Variants in CCDC85C observed in about 807,000 individuals in gnomAD.
CCDC85C encodes the protein coiled-coil domain containing 85C, also known as coiled-coil domain-containing protein 85C.
CCDC85C carries 18 observed loss-of-function variants against 38.3 expected under a neutral mutation model. The ratio of observed to expected loss-of-function variants is 0.47; its 90% CI spans 0.33 to 0.70. CCDC85C has a LOEUF of 0.70. CCDC85C is among the 30% of genes least tolerant of loss of function. CCDC85C has a pLI of 0.03. For synonymous variants in CCDC85C, 264 were observed against 293.8 expected, an observed-to-expected ratio of 0.90 and a Z score of 1.04; for missense variants, 566 against 621.2, an observed-to-expected ratio of 0.91 and a Z score of 0.94.
At position 99,604,043 on chromosome 14, in the gene CCDC85C, C is replaced by T; in HGVS notation, c.-84G>A. 1.0e-6 allele frequency: 1 copy of T among 984,012 alleles called. No homozygotes were observed. The highest frequency in any genetic ancestry group is 1.2e-6 in the Non-Finnish European group (1 of 831,346). The allele number at this position is 984,012 out of a possible 1,614,324, so 61.0% of individuals were successfully genotyped here. ...CGGGGCTCCGCTGGGCCGGTCCGCG[C>T]GCGGGCGGGGGGCGGCCGGGGGCGC... On this transcript the variant is annotated 5_prime_UTR_variant, in exon 1 of 6. Transcript: ENST00000380243.
intron 1 of CCDC85C, among the ~76,000 whole-genome samples, chr14:99,537,745 T>C (rs1258341109): frequency 6.6e-6 from 1 of 152,146 alleles, no homozygotes; most frequent in Non-Finnish European, 1.5e-5. Context: ...TCACCAGCCC[T>C]GATCCCTCCC....
intron 2 of CCDC85C, among the ~76,000 whole-genome samples, chr14:99,526,387 T>C (rs1381030567): frequency 1.3e-5 from 2 of 152,230 alleles, no homozygotes; most frequent in Non-Finnish European, 2.9e-5. Flanking sequence ...GTCCCCGTGG[T>C]CACTGTGCAG....
intron 1 of CCDC85C, among the ~76,000 whole-genome samples, chr14:99,563,698 C>T (rs1898161845): frequency 6.6e-6 from 1 of 152,232 alleles, no homozygotes; most frequent in Non-Finnish European, 1.5e-5. Flanking sequence ...AGCCGGCAGA[C>T]ATAAATCACC....
rs759607767 is a variant in CCDC85C at position 99,507,121 on chromosome 14, C to T, written c.*8125G>A. 2.0e-5 allele frequency: 32 copies of T among 1,611,456 alleles called. No homozygotes were observed. The highest frequency in any genetic ancestry group is 3.3e-4 in the Middle Eastern group (2 of 6,082). On this transcript the variant is annotated 3_prime_UTR_variant, in exon 6 of 6. Coordinates refer to ENST00000380243, the MANE Select transcript of CCDC85C (RefSeq NM_001144995.2). ...CCCAAAATTGAGACCACTCATCCAC[C>T]GTTGCCTCCAGCCCACCCACCTCCA...
Position 99,560,471 on chromosome 14 carries a change from C to T in CCDC85C, c.794-24383G>A, listed in dbSNP as rs2180382. 5.2e-3 allele frequency among the ~76,000 whole-genome samples: 785 copies of T among 152,330 alleles called. 20 individuals carry two copies. The highest frequency in any genetic ancestry group is 0.038 in the Admixed American group (585 of 15,300). On this transcript the variant is annotated intron_variant, in intron 1 of 5. Transcript: ENST00000380243. ...GGGGAGGCAGGAGAGCCATGAGTAC[C>T]ACACACAGAGACTCCAGGGCACCTG...
intron 2 of CCDC85C, among the ~76,000 whole-genome samples, chr14:99,528,249 C>T (rs1189864024): frequency 6.6e-6 from 1 of 152,176 alleles, no homozygotes; most frequent in Admixed American, 6.5e-5. Flanking sequence ...GCCGTAGGGG[C>T]GGGGCAGCTA....
intron 1 of CCDC85C, among the ~76,000 whole-genome samples, chr14:99,542,747 T>C (rs1182208176): frequency 2.6e-5 from 4 of 152,234 alleles, no homozygotes; most frequent in Admixed American, 1.3e-4. Flanking sequence ...GGCCGCTGCT[T>C]CATCCCGAGG....
At chr14:99,555,685 G>C (rs1331865188) in intron 1 of CCDC85C, among the ~76,000 whole-genome samples, 2 of 152,248 alleles carry the variant, frequency 1.3e-5, no homozygotes, top group African/African-American at 4.8e-5. Flanking sequence ...GACGGGAGAA[G>C]TTAGAAAATC....
Position 99,545,541 on chromosome 14 carries a change from A to C in CCDC85C, c.794-9453T>G, listed in dbSNP as rs180927475. Among the ~76,000 whole-genome samples the C allele has an allele frequency of 6.6e-6, 1 of 152,300 alleles. No homozygotes were observed. Among genetic ancestry groups the C allele is most frequent in the African/African-American group, 2.4e-5 (1 of 41,566 alleles). ...CCCTGTGCCTTCAAGGGCTGCACGCATCTGGAAATTGACCTGTGTGTGTGA... is the reference window on the plus strand; with the variant it reads ...CCCTGTGCCTTCAAGGGCTGCACGCCTCTGGAAATTGACCTGTGTGTGTGA... On this transcript the variant is annotated intron_variant, in intron 1 of 5. Transcript: ENST00000380243. The surrounding 1 kb of genome is among the most constrained non-coding windows in gnomAD (Gnocchi z 4.7).
In CCDC85C at chr14:99,510,524, C is replaced by T. The variant is rs1409787654; in HGVS notation, c.*4722G>A. The T allele has an allele frequency of 3.5e-6, 2 of 574,978 alleles. No individual in the cohort carries two copies. The highest frequency in any genetic ancestry group is 1.8e-5 in the South Asian group (1 of 56,678). 35.6% of individuals were successfully genotyped at this position (574,978 alleles called of 1,614,324 possible). ...TGCCTCCTCCCCCAGCCTCCTTCCC[C>T]CCACCTGCCATCCCACCCCCTACTC... On this transcript the variant is annotated 3_prime_UTR_variant, in exon 6 of 6. Coordinates refer to ENST00000380243, the MANE Select transcript of CCDC85C (RefSeq NM_001144995.2).
intron 1 of CCDC85C, among the ~76,000 whole-genome samples, chr14:99,599,627 C>T (rs984696470): frequency 5.9e-5 from 9 of 152,108 alleles, no homozygotes; most frequent in Admixed American, 3.3e-4. Context: ...CAGTGGCTCA[C>T]GTCTGTAATC....
At position 99,502,776 on chromosome 14, in the gene CCDC85C, A is replaced by G. The variant is rs1896866450; in HGVS notation, c.*12470T>C. On this transcript the variant is annotated 3_prime_UTR_variant, in exon 6 of 6. Coordinates refer to ENST00000380243, the MANE Select transcript of CCDC85C (RefSeq NM_001144995.2). Reference sequence around the variant, plus strand: ...CAAGGAAAACAACAGATGCCTCATCACACCCCCCATCAGCTGCAACAGCCC... The same window carrying G: ...CAAGGAAAACAACAGATGCCTCATCGCACCCCCCATCAGCTGCAACAGCCC... 1.2e-6 allele frequency: 2 copies of G among 1,613,720 alleles called. No homozygotes were observed. Among genetic ancestry groups the G allele is most frequent in the Non-Finnish European group, 1.7e-6 (2 of 1,179,782 alleles).
chr14:99,561,102 A>G (rs767183594), intron 1 of CCDC85C, among the ~76,000 whole-genome samples: 1 of 152,196 alleles, frequency 6.6e-6, no homozygotes, highest in Non-Finnish European at 1.5e-5. Context: ...TGAGTGCTGA[A>G]GCCCCACCCA....
chr14:99,603,965 G>T lies in CCDC85C; in HGVS notation c.-6C>A, dbSNP rs2055243304. The stretch of plus-strand genomic sequence containing the variant: ...GTCGCCGCGGGCTTAGCCATGGCGG[G>T]GCCGTCACCGCGGCATCGCCCTCGC... On this transcript the variant is annotated 5_prime_UTR_variant, in exon 1 of 6. Coordinates refer to ENST00000380243, the MANE Select transcript of CCDC85C (RefSeq NM_001144995.2). This position sits in a 1 kb window ranked among gnomAD's most constrained non-coding sequence, Gnocchi z 7.5. 6.8e-6 allele frequency: 9 copies of T among 1,330,492 alleles called. No homozygotes were observed. The South Asian group carries it at 1.3e-4, about 20-fold the overall frequency. The allele number at this position is 1,330,492 out of a possible 1,614,324, so 82.4% of individuals were successfully genotyped here. A position where few individuals can be genotyped will look rare whatever the true frequency, so the allele number is the denominator to read the frequency against.
Position 99,501,491 on chromosome 14 carries a change from C to A in CCDC85C, c.*13755G>T, listed in dbSNP as rs1896824019. The A allele has an allele frequency of 1.0e-6, 1 of 996,302 alleles. No homozygotes were observed. Among genetic ancestry groups the A allele is most frequent in the African/African-American group, 1.6e-5 (1 of 62,410 alleles). 61.7% of individuals were successfully genotyped at this position (996,302 alleles called of 1,614,324 possible). ...TTTATGGACCATTTCATCTAAACCC[C>A]TCATTTTGTGTCAGAAGAAACTGAC... is the stretch of plus-strand genomic sequence containing the variant. On this transcript the variant is annotated 3_prime_UTR_variant, in exon 6 of 6. Transcript: ENST00000380243.
At chr14:99,565,293 T>C (rs1379352887) in intron 1 of CCDC85C, among the ~76,000 whole-genome samples, 1 of 152,182 alleles carries the variant, frequency 6.6e-6, no homozygotes, top group East Asian at 1.9e-4. Context: ...GGGGCTCAGC[T>C]CTGAGCAGGC....
rs908894780 is a variant in CCDC85C, at chr14:99,504,201, AAGTT to A, written c.*11041_*11044del. 4.6e-6 allele frequency: 1 copy of A among 218,372 alleles called. No homozygotes were observed. The highest frequency in any genetic ancestry group is 5.7e-5 in the Admixed American group (1 of 17,568). 13.5% of individuals were successfully genotyped at this position (218,372 alleles called of 1,614,324 possible). A position where few individuals can be genotyped will look rare whatever the true frequency, so the allele number is the denominator to read the frequency against. ...AAAATTGGAACAATTACAAAACAGA[AAGTT>A]AGAAATGTTTTGTCACAGGGTCAGT... On this transcript the variant is annotated 3_prime_UTR_variant, in exon 6 of 6. Transcript: ENST00000380243.
rs189193359 is a variant in CCDC85C, at chr14:99,503,081, C to A, written c.*12165G>T. ...ATTTCTAAGCGAGCACAGGGAACAC[C>A]GGAAGCAGGGGGTGTTCGCCGAAAC... On this transcript the variant is annotated 3_prime_UTR_variant, in exon 6 of 6. Coordinates refer to ENST00000380243, the MANE Select transcript of CCDC85C (RefSeq NM_001144995.2). 2 of 1,364,510 alleles carry A rather than the reference C, an allele frequency of 1.5e-6. No individual in the cohort carries two copies. The highest frequency in any genetic ancestry group is 1.4e-5 in the African/African-American group (1 of 70,148). 84.5% of individuals were successfully genotyped at this position (1,364,510 alleles called of 1,614,324 possible). A position where few individuals can be genotyped will look rare whatever the true frequency, so the allele number is the denominator to read the frequency against.
At chr14:99,567,389 C>T (rs544150204) in intron 1 of CCDC85C, among the ~76,000 whole-genome samples, 2 of 152,184 alleles carry the variant, frequency 1.3e-5, no homozygotes, top group African/African-American at 4.8e-5. Flanking sequence ...GGGGGCGTGA[C>T]AACCAGGGGA....
Sources: allele counts gnomAD v4.1 joint callset (sites outside exome capture counted in the v4.1 genomes callset), GRCh38; gene constraint gnomAD v4.1.1; non-coding constraint Gnocchi (gnomAD v3.1); transcripts MANE v1.5; gene names NCBI Gene and HGNC (gene_info 2026-07-23, HGNC 2026-07-21).